The following TNS1 variants were observed in gnomAD, a reference collection of about 807,000 sequenced individuals.
TNS1 encodes the protein tensin 1.
A neutral mutation model predicts 168.6 loss-of-function variants in TNS1; 62 were observed. The observed-to-expected ratio is 0.37, with a 90% confidence interval of 0.30 to 0.45. The LOEUF (loss-of-function observed/expected upper bound fraction) is 0.45. TNS1 is among the 20% of genes least tolerant of loss of function. The pLI, the probability that TNS1 is intolerant of heterozygous loss-of-function variation, is 1.00. For missense variants in TNS1, 2,240 were observed against 2,339.4 expected, an observed-to-expected ratio of 0.96 and a Z score of 0.88; for synonymous variants, 934 against 933.2, an observed-to-expected ratio of 1.00 and a Z score of -0.02.
In TNS1 at chr2:217,813,408, A is replaced by G; in HGVS notation, c.4862-101T>C. 9.4e-7 allele frequency: 1 copy of G among 1,069,456 alleles called. No homozygotes were observed. The highest frequency in any genetic ancestry group is 1.4e-6 in the Non-Finnish European group (1 of 715,742). The allele number at this position is 1,069,456 out of a possible 1,614,324, so 66.2% of individuals were successfully genotyped here. A position where few individuals can be genotyped will look rare whatever the true frequency, so the allele number is the denominator to read the frequency against. ...AACTTCCGCAGTGTGCGGGGCCAAG[A>G]TGGGAGAAATGACTGAAGAGAGAAC... On this transcript the variant is annotated intron_variant, in intron 26 of 32. Transcript: ENST00000682258. The surrounding 1 kb of genome is among the most constrained non-coding windows in gnomAD (Gnocchi z 4.0).
intron 2 of TNS1, among the ~76,000 whole-genome samples, chr2:217,980,506 C>CAG (rs3842558): frequency 0.028 from 3,273 of 117,542 alleles, 49 homozygotes; most frequent in Middle Eastern, 0.041. Flanking sequence ...TACACACACA[C>CAG]AGAGAGAGAG....
intron 3 of TNS1, among the ~76,000 whole-genome samples, chr2:217,945,246 T>C (rs2125956873): frequency 6.6e-6 from 1 of 152,344 alleles, no homozygotes; most frequent in South Asian, 2.1e-4. Context: ...TTAAGAACTT[T>C]TCCGGTCTTA....
In TNS1 at chr2:217,813,661, C is replaced by T. The variant is rs778953250; in HGVS notation, c.4861+24G>A. 3 of 1,592,992 alleles carry T rather than the reference C, an allele frequency of 1.9e-6. No homozygotes were observed. The highest frequency in any genetic ancestry group is 2.3e-5 in the South Asian group (2 of 87,440). ...ACTGTAAAGCTCACCTGGTCCTGAG[C>T]CCCATTCTGGGAGATGAGGTTACCT... On this transcript the variant is annotated intron_variant, in intron 26 of 32. Transcript: ENST00000682258. The surrounding 1 kb of genome is among the most constrained non-coding windows in gnomAD (Gnocchi z 4.0).
intron 19 of TNS1, among the ~76,000 whole-genome samples, chr2:217,843,133 TA>T (rs111489141): frequency 0.024 from 3,441 of 145,108 alleles, 120 homozygotes; most frequent in African/African-American, 0.08. Flanking sequence ...GAACAAAATG[TA>T]AAAAAAAAAA....
At chr2:217,977,355 AG>A (rs1473514632) in intron 3 of TNS1, among the ~76,000 whole-genome samples, 1 of 152,206 alleles carries the variant, frequency 6.6e-6, no homozygotes, top group Non-Finnish European at 1.5e-5. Flanking sequence ...CACTGCATGG[AG>A]GTACCTGCTG....
At chr2:217,828,552 C>A (rs1006655983) in intron 22 of TNS1, among the ~76,000 whole-genome samples, 4 of 152,212 alleles carry the variant, frequency 2.6e-5, no homozygotes. Context: ...CCCAGAACCA[C>A]ACCCTGGCCT....
chr2:217,815,724 C>G (rs764483925), intron 24 of TNS1, among the ~76,000 whole-genome samples: 15 of 152,214 alleles, frequency 9.9e-5, no homozygotes, highest in Non-Finnish European at 2.1e-4. Flanking sequence ...AAAACACTTG[C>G]TTCTAGAACC....
chr2:217,959,163 C>T (rs1957435278), intron 3 of TNS1, among the ~76,000 whole-genome samples: 1 of 152,238 alleles, frequency 6.6e-6, no homozygotes, highest in South Asian at 2.1e-4. Flanking sequence ...AGCTTCACCT[C>T]TCTGAGCCTC....
chr2:217,977,143 C>T (rs1232285199), intron 3 of TNS1, among the ~76,000 whole-genome samples: 4 of 152,184 alleles, frequency 2.6e-5, no homozygotes, highest in Non-Finnish European at 5.9e-5. Flanking sequence ...GAAAAGGTTG[C>T]AGGAAGGGCA....
chr2:217,915,903 C>T (rs1954956082), intron 4 of TNS1, among the ~76,000 whole-genome samples: 2 of 152,182 alleles, frequency 1.3e-5, no homozygotes, highest in African/African-American at 2.4e-5. Context: ...ATGGAAAAGG[C>T]TTTGAAAACG....
chr2:217,960,349 G>T (rs901750923), intron 3 of TNS1, among the ~76,000 whole-genome samples: 4 of 152,102 alleles, frequency 2.6e-5, no homozygotes, highest in Non-Finnish European at 4.4e-5. Flanking sequence ...CCCATCTCCT[G>T]GTCTCCACAC....
At chr2:218,002,051 C>A (rs1425265256) in intron 1 of TNS1, among the ~76,000 whole-genome samples, 1 of 152,186 alleles carries the variant, frequency 6.6e-6, no homozygotes, top group Non-Finnish European at 1.5e-5. Context: ...CCTCCTCTGA[C>A]CCCCAGCCCT....
intron 1 of TNS1, among the ~76,000 whole-genome samples, chr2:217,998,221 G>GTCTC (rs60663810): frequency 0.17 from 24,761 of 149,454 alleles, 2,216 homozygotes; most frequent in South Asian, 0.24. Context: ...CTCCATCAGT[G>GTCTC]TCTCTCTCTC....
chr2:217,923,560 G>A (rs992864623), intron 3 of TNS1, among the ~76,000 whole-genome samples: 2 of 152,182 alleles, frequency 1.3e-5, no homozygotes, highest in Admixed American at 1.3e-4. Flanking sequence ...TCCGGGTCTG[G>A]AGACATGCTC....
intron 1 of TNS1, among the ~76,000 whole-genome samples, chr2:218,015,892 G>A (rs1347328898): frequency 6.6e-6 from 1 of 152,186 alleles, no homozygotes; most frequent in Admixed American, 6.5e-5. Flanking sequence ...TCCTTGCAGG[G>A]CCCAGCATGG....
chr2:217,830,358 C>A (rs747689760), intron 22 of TNS1: 1 of 1,614,122 alleles, frequency 6.2e-7, no homozygotes, highest in Admixed American at 1.7e-5. Flanking sequence ...CATGCCACTG[C>A]CCACCTACCT....
At chr2:217,990,403 C>T (rs1958332786) in intron 2 of TNS1, among the ~76,000 whole-genome samples, 1 of 150,762 alleles carries the variant, frequency 6.6e-6, no homozygotes, top group Admixed American at 6.6e-5. Flanking sequence ...GGCCACACAC[C>T]AGCCACACAC....
chr2:217,814,488 G>C (rs547385508), intron 25 of TNS1, among the ~76,000 whole-genome samples: 3 of 152,312 alleles, frequency 2.0e-5, no homozygotes, highest in African/African-American at 7.2e-5. Flanking sequence ...AAAGCAGGCA[G>C]CATCCAGATT....
At chr2:217,846,695 C>T (rs1946694746) in intron 19 of TNS1, among the ~76,000 whole-genome samples, 1 of 152,242 alleles carries the variant, frequency 6.6e-6, no homozygotes, top group African/African-American at 2.4e-5. Flanking sequence ...AACCTCGCAG[C>T]TGTCTCTCCC....
Sources: allele counts gnomAD v4.1 joint callset (sites outside exome capture counted in the v4.1 genomes callset), GRCh38; gene constraint gnomAD v4.1.1; non-coding constraint Gnocchi (gnomAD v3.1); transcripts MANE v1.5; gene names NCBI Gene and HGNC (gene_info 2026-07-23, HGNC 2026-07-21).